CTTN: variants seen among roughly 807,000 people sequenced by gnomAD.
CTTN encodes the protein src substrate cortactin.
CTTN carries 28 observed loss-of-function variants against 84.0 expected under a neutral mutation model. The observed-to-expected ratio is 0.33, with a 90% CI of 0.25 to 0.46. The LOEUF is 0.46. CTTN is among the 20% of genes least tolerant of loss of function. The pLI is 1.00. For missense variants in CTTN, 641 were observed against 723.8 expected, an observed-to-expected ratio of 0.89 and a Z score of 1.31; for synonymous variants, 301 against 288.8, an observed-to-expected ratio of 1.04 and a Z score of -0.43.
intron 1 of CTTN, among the ~76,000 whole-genome samples, chr11:70,399,529 G>A (rs2135540705): frequency 6.6e-6 from 1 of 152,180 alleles, no homozygotes; most frequent in East Asian, 1.9e-4. Flanking sequence ...AGCGAGGCGC[G>A]GCTGCAGCTA....
At chr11:70,419,398 C>T (rs1484569377) in intron 8 of CTTN, among the ~76,000 whole-genome samples, 3 of 152,096 alleles carry the variant, frequency 2.0e-5, no homozygotes, top group Non-Finnish European at 4.4e-5. Context: ...GCGTGAGCCC[C>T]CTCCCCCAGC....
chr11:70,425,846 C>T (rs1194351601), intron 13 of CTTN, among the ~76,000 whole-genome samples: 2 of 152,298 alleles, frequency 1.3e-5, no homozygotes, highest in African/African-American at 2.4e-5. Flanking sequence ...ACAGGGAGCT[C>T]GAAACCTGTC....
chr11:70,426,190 G>A (rs541083923), intron 13 of CTTN, among the ~76,000 whole-genome samples: 8 of 152,230 alleles, frequency 5.3e-5, no homozygotes, highest in Non-Finnish European at 1.2e-4. Context: ...GGCGGATCAC[G>A]AGGTCAGGAG....
At chr11:70,405,006 A>G (rs1202760257) in intron 1 of CTTN, among the ~76,000 whole-genome samples, 1 of 152,260 alleles carries the variant, frequency 6.6e-6, no homozygotes, top group Non-Finnish European at 1.5e-5. Flanking sequence ...CCATCTCAAA[A>G]AAAACAAAAC....
In CTTN at chr11:70,436,575, A is replaced by G. The variant is rs2058419593; in HGVS notation, c.*1413A>G. ...ATTCAGAATAAACATTTTTTGATCC[A>G]CTTGCGTGATTTGCTTTGGTCTGTG... On this transcript the variant is annotated 3_prime_UTR_variant, in exon 18 of 18. Transcript: ENST00000301843. The G allele has an allele frequency of 4.7e-6, 3 of 644,130 alleles. No individual in the cohort carries two copies. The highest frequency in any genetic ancestry group is 2.9e-5 in the East Asian group (1 of 34,418). 39.9% of individuals were successfully genotyped at this position (644,130 alleles called of 1,614,324 possible).
In CTTN at chr11:70,433,366, G is replaced by A. The variant is rs532458232; in HGVS notation, c.1444+88G>A. The stretch of plus-strand genomic sequence containing the variant: ...GACCTGTGGCGTCGTTGCGAGGAGC[G>A]TGGGTTTCCCACTGACACGCCTTTG... On this transcript the variant is annotated intron_variant, in intron 16 of 17. Coordinates refer to ENST00000301843, the MANE Select transcript of CTTN (RefSeq NM_005231.4). 1.5e-3 allele frequency: 2,054 copies of A among 1,357,100 alleles called. 2 individuals carry two copies. The highest frequency in any genetic ancestry group is 2.4e-3 in the Middle Eastern group (9 of 3,782). The allele number at this position is 1,357,100 out of a possible 1,614,324, so 84.1% of individuals were successfully genotyped here. A position where few individuals can be genotyped will look rare whatever the true frequency, so the allele number is the denominator to read the frequency against.
chr11:70,427,395 T>G lies in CTTN; in HGVS notation c.1028-1656T>G, dbSNP rs141936470. ...TAACTGGCCATGCACAGTGGCTCATTCCTGTAATCCCAGCACTTAGTGAGA... is the reference window on the plus strand; with the variant it reads ...TAACTGGCCATGCACAGTGGCTCATGCCTGTAATCCCAGCACTTAGTGAGA... On this transcript the variant is annotated intron_variant, in intron 13 of 17. Transcript: ENST00000301843. Among the ~76,000 whole-genome samples, 243 of 152,198 alleles carry G rather than the reference T, an allele frequency of 1.6e-3. 1 individual carries two copies. The highest frequency in any genetic ancestry group is 5.7e-3 in the African/African-American group (235 of 41,538).
At chr11:70,434,784 T>C (rs774726281) in intron 17 of CTTN, among the ~76,000 whole-genome samples, 4 of 152,064 alleles carry the variant, frequency 2.6e-5, no homozygotes, top group Non-Finnish European at 5.9e-5. Context: ...GAGGAAGGGG[T>C]CCGGGTGGGG....
chr11:70,406,873 C>T (rs1272990728), intron 2 of CTTN, among the ~76,000 whole-genome samples: 1 of 152,090 alleles, frequency 6.6e-6, no homozygotes, highest in Non-Finnish European at 1.5e-5. Flanking sequence ...ATACACATAC[C>T]ATGAGATTTA....
At chr11:70,416,793 C>T in intron 7 of CTTN, 1 of 530,024 alleles carries the variant, frequency 1.9e-6, no homozygotes, top group Non-Finnish European at 3.4e-6. Context: ...AGGAACTGCC[C>T]TGTAACAGCT....
intron 12 of CTTN, among the ~76,000 whole-genome samples, chr11:70,424,104 G>A (rs2058274450): frequency 6.6e-6 from 1 of 152,196 alleles, no homozygotes; most frequent in African/African-American, 2.4e-5. Context: ...GAGAGCTGGG[G>A]TAGGGCCGGG....
chr11:70,421,282 C>A (rs1380735220), intron 10 of CTTN, among the ~76,000 whole-genome samples, 188 bp from the exon 11 acceptor site: 3 of 152,204 alleles, frequency 2.0e-5, no homozygotes, highest in Admixed American at 1.3e-4. Flanking sequence ...TAAGTTCATT[C>A]TTTAACGTTG....
rs145708028 is a variant in CTTN, at chr11:70,418,507, C to T, written c.569-1239C>T. Among the ~76,000 whole-genome samples the T allele has an allele frequency of 2.2e-3, 342 of 152,360 alleles. 3 individuals carry two copies. The highest frequency in any genetic ancestry group is 7.6e-3 in the African/African-American group (317 of 41,590). The stretch of plus-strand genomic sequence containing the variant: ...CCAGGCCTTGATCCTCTGCCTTGTG[C>T]TGTTAGTGGGTCCATGAGAGAGTCA... On this transcript the variant is annotated intron_variant, in intron 8 of 17. Coordinates refer to ENST00000301843, the MANE Select transcript of CTTN (RefSeq NM_005231.4).
In CTTN at chr11:70,436,402, C is replaced by G. The variant is rs751702670; in HGVS notation, c.*1240C>G. ...GTCTCGGGACTTGGGTCCCGGAGTG[C>G]CCGTGAAGCGTGTTTTTGCTCCTGA... is the stretch of plus-strand genomic sequence containing the variant. On this transcript the variant is annotated 3_prime_UTR_variant, in exon 18 of 18. Transcript: ENST00000301843. The G allele has an allele frequency of 6.3e-7, 1 of 1,597,988 alleles. No individual in the cohort carries two copies. The highest frequency in any genetic ancestry group is 8.5e-7 in the Non-Finnish European group (1 of 1,179,658).
chr11:70,427,521 CAT>C (rs2058312766), intron 13 of CTTN, among the ~76,000 whole-genome samples: 1 of 152,220 alleles, frequency 6.6e-6, no homozygotes, highest in African/African-American at 2.4e-5. Flanking sequence ...TTAGGAAGAA[CAT>C]GTGGAATCAC....
chr11:70,399,641 A>G (rs143811089), intron 1 of CTTN, among the ~76,000 whole-genome samples: 1 of 152,270 alleles, frequency 6.6e-6, no homozygotes, highest in East Asian at 1.9e-4. Flanking sequence ...TCACCTGGAT[A>G]GTCTAAGGGA....
chr11:70,419,918 A>G, intron 9 of CTTN, 62 bp downstream of exon 9: 1 of 1,295,560 alleles, frequency 7.7e-7, no homozygotes, highest in Admixed American at 2.1e-5. Flanking sequence ...TGGTAGCCAC[A>G]CCGGAAAAGG....
chr11:70,413,113 A>C (rs1017604582), intron 5 of CTTN, among the ~76,000 whole-genome samples: 1 of 152,232 alleles, frequency 6.6e-6, no homozygotes, highest in Non-Finnish European at 1.5e-5. Flanking sequence ...TGGGAAGAAG[A>C]GGGCGCAGCA....
At position 70,435,863 on chromosome 11, in the gene CTTN, G is replaced by A. The variant is rs1304085781; in HGVS notation, c.*701G>A. 2.5e-5 allele frequency: 37 copies of A among 1,509,608 alleles called. No homozygotes were observed. The highest frequency in any genetic ancestry group is 3.7e-5 in the South Asian group (3 of 80,808). 93.5% of individuals were successfully genotyped at this position (1,509,608 alleles called of 1,614,324 possible). ...GCTGCTGGGAGCCTCTCCTGTCCCC[G>A]CCGGGCAGTGTCACTGAGTCCTTGA... On this transcript the variant is annotated 3_prime_UTR_variant, in exon 18 of 18. Coordinates refer to ENST00000301843, the MANE Select transcript of CTTN (RefSeq NM_005231.4).
Sources: allele counts gnomAD v4.1 joint callset (sites outside exome capture counted in the v4.1 genomes callset), GRCh38; gene constraint gnomAD v4.1.1; transcripts MANE v1.5; gene names NCBI Gene and HGNC (gene_info 2026-07-23, HGNC 2026-07-21).